Variants in MYO5B observed in about 807,000 individuals in gnomAD.
MYO5B encodes the protein myosin VB, also known as unconventional myosin-Vb.
Under a neutral mutation model 229.3 loss-of-function variants are expected in MYO5B, and 143 were observed. That is an observed-to-expected ratio of 0.62 (90% CI 0.54 to 0.72). The LOEUF is 0.72. Ranked by LOEUF, MYO5B falls within the 30% of genes least tolerant of loss-of-function variation. MYO5B has a pLI of 0.00. For missense variants in MYO5B, 2,321 were observed against 2,331.0 expected, an observed-to-expected ratio of 1.00 and a Z score of 0.09; for synonymous variants, 918 against 885.2, an observed-to-expected ratio of 1.04 and a Z score of -0.66.
intron 14 of MYO5B, among the ~76,000 whole-genome samples, chr18:49,941,400 C>T (rs1240088730): frequency 5.3e-5 from 8 of 152,170 alleles, no homozygotes; most frequent in Admixed American, 1.3e-4. Context: ...CTAGAGAATG[C>T]TACCATATTT....
chr18:50,142,695 A>C (rs1208702581), intron 1 of MYO5B, among the ~76,000 whole-genome samples: 1 of 152,216 alleles, frequency 6.6e-6, no homozygotes, highest in Non-Finnish European at 1.5e-5. Flanking sequence ...ACAGGTGGCT[A>C]GTAGTCAACC....
At chr18:49,959,833 G>A (rs530372403) in intron 12 of MYO5B, among the ~76,000 whole-genome samples, 28 of 152,278 alleles carry the variant, frequency 1.8e-4, no homozygotes, top group African/African-American at 4.8e-4. Flanking sequence ...CTCCCCACCC[G>A]CCACCAGACA....
intron 1 of MYO5B, among the ~76,000 whole-genome samples, chr18:50,166,035 T>G (rs1005405896): frequency 2.6e-5 from 4 of 152,204 alleles, no homozygotes; most frequent in African/African-American, 7.2e-5. Context: ...GACAGGCAAC[T>G]CATACAAAAC....
chr18:50,162,894 G>A (rs1185616630), intron 1 of MYO5B, among the ~76,000 whole-genome samples: 29 of 152,158 alleles, frequency 1.9e-4, no homozygotes, highest in Admixed American at 1.9e-3. Context: ...TGTCACAGCG[G>A]CATCTCCCTC....
chr18:50,055,063 A>AT (rs2030508393), intron 2 of MYO5B, among the ~76,000 whole-genome samples: 1 of 152,034 alleles, frequency 6.6e-6, no homozygotes, highest in Non-Finnish European at 1.5e-5. Context: ...ATAAACACTT[A>AT]TTTTTTGTGT....
chr18:50,159,262 C>T (rs1221398223), intron 1 of MYO5B, among the ~76,000 whole-genome samples: 5 of 152,152 alleles, frequency 3.3e-5, no homozygotes, highest in Non-Finnish European at 5.9e-5. Flanking sequence ...TTTACGCCCC[C>T]GCCAACTGCC....
chr18:49,976,796 G>T (rs1351351470), intron 9 of MYO5B, among the ~76,000 whole-genome samples: 1 of 152,104 alleles, frequency 6.6e-6, no homozygotes, highest in Admixed American at 6.5e-5. Context: ...TTTCTCTGAA[G>T]CCAACCTGTC....
intron 22 of MYO5B, among the ~76,000 whole-genome samples, chr18:49,886,223 G>A (rs1262074171): frequency 1.3e-5 from 2 of 152,132 alleles, no homozygotes; most frequent in Non-Finnish European, 2.9e-5. Context: ...TTACAGATAT[G>A]AGCCACCGGC....
intron 22 of MYO5B, among the ~76,000 whole-genome samples, chr18:49,881,039 A>C (rs1341804162): frequency 6.6e-6 from 1 of 152,248 alleles, no homozygotes; most frequent in Non-Finnish European, 1.5e-5. Flanking sequence ...TACTCAATAA[A>C]TACGAAGGGA....
chr18:49,826,518 T>C lies in MYO5B; in HGVS notation c.5500A>G (p.Ile1834Val). The C allele has an allele frequency of 1.9e-6, 3 of 1,614,076 alleles. No homozygotes were observed. In the South Asian group the frequency reaches 3.3e-5, roughly 18 times the overall value. The part of the protein sequence containing the change: ...FNPSSLTMDS[I>V]HIPACLNLEF... ...AGATTGAGACACGCTGGGATGTGGA[T>C]TGAGTCCATGGTTAGAGAAGATGGA... Residue 1834 changes from isoleucine (I) to valine (V), a missense_variant, in exon 40 of 40, where the codon ATC (isoleucine) becomes GTC (valine). Physicochemically the swap from Ile to Val is conservative, Grantham distance 29 (BLOSUM62 3). This residue lies in a region of MYO5B where 208 missense variants were observed against 286.3 expected (regional missense o/e 0.73). Coordinates refer to ENST00000285039, the MANE Select transcript of MYO5B (RefSeq NM_001080467.3).
In MYO5B at chr18:49,856,770, C is replaced by T. The variant is rs569043631; in HGVS notation, c.4022+43G>A. Reference sequence around the variant, plus strand: ...CGGTTAAGCATAGACATGAGCAGGCCCAACGGACAAAGCAGACACAGGAAG... The same window carrying T: ...CGGTTAAGCATAGACATGAGCAGGCTCAACGGACAAAGCAGACACAGGAAG... On this transcript the variant is annotated intron_variant, in intron 30 of 39. Transcript: ENST00000285039. The T allele has an allele frequency of 1.4e-5, 21 of 1,524,466 alleles. No individual in the cohort carries two copies. The Admixed American group carries it at 3.5e-4, about 25-fold the overall frequency. The allele number at this position is 1,524,466 out of a possible 1,614,324, so 94.4% of individuals were successfully genotyped here.
In MYO5B at chr18:50,098,484, CACA is replaced by C. The variant is rs2031595482; in HGVS notation, c.28-43109_28-43107del. ...TAGGCTGGCTGTGAGGAAGCAAATACACAACAAGGAAATAGACTGCCTTAACTT... is the reference window on the plus strand; with the variant it reads ...TAGGCTGGCTGTGAGGAAGCAAATACACAAGGAAATAGACTGCCTTAACTT... On this transcript the variant is annotated intron_variant, in intron 1 of 39. Transcript: ENST00000285039. 4.6e-5 allele frequency among the ~76,000 whole-genome samples: 7 copies of C among 152,222 alleles called. No individual in the cohort carries two copies. The South Asian group carries it at 1.5e-3, about 32-fold the overall frequency.
chr18:50,194,800 G>C lies in MYO5B; in HGVS notation c.-7C>G. On this transcript the variant is annotated 5_prime_UTR_variant, in exon 1 of 40. Transcript: ENST00000285039. ...AGAGCTCGCCCACCGACATGGCCCG[G>C]GCCGGGCGGGGCTCGGGCCCCGGCT... 7.4e-7 allele frequency: 1 copy of C among 1,360,036 alleles called. No homozygotes were observed. The highest frequency in any genetic ancestry group is 1.5e-5 in the African/African-American group (1 of 65,538). The allele number at this position is 1,360,036 out of a possible 1,614,324, so 84.2% of individuals were successfully genotyped here.
intron 5 of MYO5B, among the ~76,000 whole-genome samples, chr18:49,996,089 T>C (rs1369036417): frequency 1.3e-5 from 2 of 152,236 alleles, no homozygotes; most frequent in Non-Finnish European, 1.5e-5. Flanking sequence ...CTTTCTAAGA[T>C]AGCAATAAGA....
chr18:50,010,986 G>A (rs1263994031), intron 4 of MYO5B, among the ~76,000 whole-genome samples: 1 of 152,110 alleles, frequency 6.6e-6, no homozygotes, highest in Admixed American at 6.5e-5. Flanking sequence ...CCACCAGTAA[G>A]ATACAAGTCT....
intron 1 of MYO5B, among the ~76,000 whole-genome samples, chr18:50,075,775 G>A (rs1264679562): frequency 1.3e-5 from 2 of 152,244 alleles, no homozygotes; most frequent in East Asian, 1.9e-4. Flanking sequence ...CAGGAGAGAC[G>A]AGTTTTCATT....
chr18:49,983,600 A>T (rs543148788), intron 8 of MYO5B, among the ~76,000 whole-genome samples: 1 of 152,152 alleles, frequency 6.6e-6, no homozygotes, highest in Non-Finnish European at 1.5e-5. Context: ...GTTCTTTTGT[A>T]CCTGCTACTT....
chr18:50,063,884 C>G (rs2030752943), intron 1 of MYO5B: 1 of 152,246 alleles, frequency 6.6e-6, no homozygotes, highest in Non-Finnish European at 1.5e-5. Context: ...CAAAATTTAC[C>G]TGTTTACTGC....
intron 1 of MYO5B, among the ~76,000 whole-genome samples, chr18:50,153,462 CTTTTT>C (rs1265270284): frequency 1.3e-5 from 2 of 151,984 alleles, no homozygotes; most frequent in Non-Finnish European, 2.9e-5. Context: ...ATTTCATTTT[CTTTTT>C]TTGAGATGGA....
Sources: gnomAD v4.1 joint callset for allele counts (sites outside exome capture counted in the v4.1 genomes callset) on GRCh38, gnomAD v4.1.1 for gene constraint, gnomAD v4.1.1 regional missense constraint, MANE v1.5 for transcripts, NCBI Gene and HGNC (gene_info 2026-07-23, HGNC 2026-07-21) for gene names.